The following HSDL2 variants were observed in gnomAD, a reference collection of about 807,000 sequenced individuals.
The protein encoded by HSDL2 is hydroxysteroid dehydrogenase-like protein 2.
A neutral mutation model predicts 46.3 loss-of-function variants in HSDL2; 27 were observed. The ratio of observed to expected loss-of-function variants is 0.58; its 90% CI spans 0.43 to 0.80. The LOEUF (loss-of-function observed/expected upper bound fraction) is 0.80, where lower values mean the gene tolerates loss of function less well. Among genes scored for constraint, HSDL2 ranks in the 30% least tolerant of loss-of-function variants. HSDL2 has a pLI of 0.00. For missense variants in HSDL2, 451 were observed against 502.7 expected (o/e 0.90, Z 0.98); for synonymous variants, 153 against 163.6 (o/e 0.94, Z 0.50).
chr9:112,449,445 T>G (rs7389028), intron 8 of HSDL2, among the ~76,000 whole-genome samples: 145,749 of 152,166 alleles, frequency 0.96, 69,875 homozygotes, highest in African/African-American at 0.99. Flanking sequence ...TGATTTTGTG[T>G]TATCTTATTT....
chr9:112,388,485 C>G (rs1325728172), intron 1 of HSDL2, among the ~76,000 whole-genome samples: 2 of 147,110 alleles, frequency 1.4e-5, no homozygotes, highest in Non-Finnish European at 1.5e-5. Flanking sequence ...AAAAAATACG[C>G]CAGGTGTGGT....
At chr9:112,445,251 C>T (rs1414936278) in intron 8 of HSDL2, among the ~76,000 whole-genome samples, 3 of 152,146 alleles carry the variant, frequency 2.0e-5, no homozygotes, top group Non-Finnish European at 4.4e-5. Flanking sequence ...CTTATTCTTA[C>T]CTTGGCTCCC....
intron 6 of HSDL2, among the ~76,000 whole-genome samples, chr9:112,436,961 T>C (rs1220922002): frequency 3.0e-5 from 1 of 33,642 alleles, no homozygotes; most frequent in African/African-American, 1.2e-4. Context: ...TCTTTTTTTC[T>C]TTTTTTTTTT....
chr9:112,410,320 C>T (rs1006266453), intron 4 of HSDL2, among the ~76,000 whole-genome samples: 28 of 152,216 alleles, frequency 1.8e-4, no homozygotes, highest in African/African-American at 6.0e-4. Flanking sequence ...CTTGTTAACA[C>T]ACAGAATAGG....
intron 1 of HSDL2, among the ~76,000 whole-genome samples, chr9:112,393,256 T>C (rs1335430622): frequency 2.0e-5 from 3 of 152,196 alleles, no homozygotes. Context: ...TCAAAAATTA[T>C]TGTCTTTAAT....
At position 112,449,832 on chromosome 9, in the gene HSDL2, C is replaced by CA. The variant is rs777800457; in HGVS notation, c.866-4168dup. Among the ~76,000 whole-genome samples, 756 of 142,132 alleles carry CA rather than the reference C, an allele frequency of 5.3e-3. 3 individuals are homozygous for CA. The highest frequency in any genetic ancestry group is 0.011 in the Middle Eastern group (3 of 284). 93.2% of individuals were successfully genotyped at this position (142,132 alleles called of 152,430 possible). A position where few individuals can be genotyped will look rare whatever the true frequency, so the allele number is the denominator to read the frequency against. The stretch of plus-strand genomic sequence containing the variant: ...GGGGTGACAGAGTGGAACTCAGTTT[C>CA]AAAAAAAAAAAAATTCACCATTTGG... On this transcript the variant is annotated intron_variant, in intron 8 of 10. Transcript: ENST00000398805.
intron 10 of HSDL2, among the ~76,000 whole-genome samples, chr9:112,466,691 T>G (rs1181409268): frequency 6.6e-6 from 1 of 152,220 alleles, no homozygotes. Flanking sequence ...TTTTTAGTTT[T>G]GAAGTTCAAC....
chr9:112,388,826 T>G (rs1342824786), intron 1 of HSDL2, among the ~76,000 whole-genome samples: 4 of 151,734 alleles, frequency 2.6e-5, no homozygotes, highest in Non-Finnish European at 5.9e-5. Flanking sequence ...AAGGTCAATA[T>G]CATAAAAGAC....
Position 112,421,070 on chromosome 9 carries a change from T to C in HSDL2, c.598+2112T>C, listed in dbSNP as rs959155780. On this transcript the variant is annotated intron_variant, in intron 6 of 10. Transcript: ENST00000398805. ...ACAGGCCAGTTGCAGTGGCTCGTGC[T>C]TGTAATCCCAACACTTTGAGAAGCA... 2.6e-5 allele frequency among the ~76,000 whole-genome samples: 4 copies of C among 152,280 alleles called. No individual in the cohort carries two copies. The East Asian group carries it at 7.7e-4, about 29-fold the overall frequency.
chr9:112,431,861 C>G (rs995384573), intron 6 of HSDL2, among the ~76,000 whole-genome samples: 2 of 143,436 alleles, frequency 1.4e-5, no homozygotes, highest in Admixed American at 1.5e-4. Context: ...TACCCAGTCT[C>G]AGGTATTTCT....
At chr9:112,384,335 C>A (rs1810936248) in intron 1 of HSDL2, among the ~76,000 whole-genome samples, 1 of 152,132 alleles carries the variant, frequency 6.6e-6, no homozygotes, top group Non-Finnish European at 1.5e-5. Flanking sequence ...TATTCTGGTA[C>A]TAATGCTTTG....
chr9:112,398,451 G>A (rs1025156469), intron 1 of HSDL2, among the ~76,000 whole-genome samples: 4 of 151,930 alleles, frequency 2.6e-5, no homozygotes, highest in Admixed American at 1.3e-4. Context: ...TACAAGTACC[G>A]GCTCCTCATG....
At chr9:112,447,810 T>C (rs1456514704) in intron 8 of HSDL2, among the ~76,000 whole-genome samples, 1 of 13,050 alleles carries the variant, frequency 7.7e-5, no homozygotes, top group Non-Finnish European at 1.3e-4. Context: ...ATTGCATTTG[T>C]TTTTATTAAA....
At chr9:112,416,973 T>C (rs2132640782) in intron 5 of HSDL2, 29 bp downstream of exon 5, 3 of 1,014,074 alleles carry the variant, frequency 3.0e-6, no homozygotes, top group South Asian at 2.7e-5. Flanking sequence ...GGTGAGGGGA[T>C]GGTTTGTGCT....
chr9:112,403,234 C>T lies in HSDL2; in HGVS notation c.18-761C>T, dbSNP rs190425350. Among the ~76,000 whole-genome samples, 34 of 152,328 alleles carry T rather than the reference C, an allele frequency of 2.2e-4. No individual in the cohort carries two copies. In the East Asian group the frequency reaches 5.2e-3, roughly 23 times the overall value. Reference sequence around the variant, plus strand: ...CCTAGAAGGAAACCCCTCAACCCTCCGTTGTCAGCCTCCAATCCCTCCCAC... The same window carrying T: ...CCTAGAAGGAAACCCCTCAACCCTCTGTTGTCAGCCTCCAATCCCTCCCAC... On this transcript the variant is annotated intron_variant, in intron 1 of 10. Transcript: ENST00000398805.
chr9:112,385,436 C>T (rs1831196361), intron 1 of HSDL2, among the ~76,000 whole-genome samples: 1 of 151,416 alleles, frequency 6.6e-6, no homozygotes, highest in Admixed American at 6.6e-5. Flanking sequence ...TCAAGCGATT[C>T]TCCTGCCTCA....
At position 112,459,453 on chromosome 9, in the gene HSDL2, A is replaced by T. The variant is rs1472312895; in HGVS notation, c.1020A>T (p.Glu340Asp). The stretch of plus-strand genomic sequence containing the variant: ...TCTATATGTTTATCTCTCTAGGTGA[A>T]GATGGTGGCACGTGGTTTCTTGATC... Reference protein sequence around the residue: ...QAIYLFELSGEDGGTWFLDLK... With the variant: ...QAIYLFELSGDDGGTWFLDLK... The change falls in exon 10 of 11, where the codon GAA (glutamate) becomes GAT (aspartate). Residue 340 changes from glutamate to aspartate, a missense_variant. Transcript: ENST00000398805. 1.9e-6 allele frequency: 3 copies of T among 1,613,902 alleles called. No homozygotes were observed. The highest frequency in any genetic ancestry group is 2.5e-6 in the Non-Finnish European group (3 of 1,179,808).
At position 112,405,527 on chromosome 9, in the gene HSDL2, A is replaced by T. The variant is rs1831705539; in HGVS notation, c.182-97A>T. On this transcript the variant is annotated intron_variant, in intron 2 of 10. Transcript: ENST00000398805. ...TAGAGTTATTTATATTGATTTTCTG[A>T]AAACAGGGTACTTTTTTCTTTTGAC... 3 of 789,888 alleles carry T rather than the reference A, an allele frequency of 3.8e-6. No individual in the cohort carries two copies. The African/African-American group carries it at 5.2e-5, about 14-fold the overall frequency. 48.9% of individuals were successfully genotyped at this position (789,888 alleles called of 1,614,324 possible).
intron 1 of HSDL2, among the ~76,000 whole-genome samples, chr9:112,401,250 C>G (rs560349784): frequency 1.4e-4 from 21 of 151,846 alleles, no homozygotes; most frequent in African/African-American, 5.1e-4. Context: ...TCGCTTGAGC[C>G]CAGTTCAAGA....
Sources: gnomAD v4.1 joint callset for allele counts (sites outside exome capture counted in the v4.1 genomes callset) on GRCh38, gnomAD v4.1.1 for gene constraint, MANE v1.5 for transcripts, NCBI Gene and HGNC (gene_info 2026-07-23, HGNC 2026-07-21) for gene names.